MGAM: variants seen among roughly 807,000 people sequenced by gnomAD.
The protein encoded by MGAM is maltase-glucoamylase.
In MGAM, 253 loss-of-function variants were observed where a neutral mutation model predicts 358.8. The ratio of observed to expected loss-of-function variants is 0.71; its 90% CI spans 0.64 to 0.78. The LOEUF (loss-of-function observed/expected upper bound fraction) is 0.78. MGAM is among the 30% of genes least tolerant of loss of function. The pLI, the probability that MGAM is intolerant of heterozygous loss-of-function variation, is 0.00. For synonymous variants in MGAM, 1,105 were observed against 1,227.1 expected (o/e 0.90, Z 2.08); for missense variants, 3,080 against 3,432.6 (o/e 0.90, Z 2.57).
chr7:142,067,983 TATA>T (rs1563191444), intron 42 of MGAM, among the ~76,000 whole-genome samples: 1 of 5,362 alleles, frequency 1.9e-4, no homozygotes, highest in African/African-American at 2.9e-4. Context: ...TATATATATA[TATA>T]TTTTTTTTTT....
chr7:141,998,759 C>T (rs980675842), intron 1 of MGAM, among the ~76,000 whole-genome samples: 10 of 152,106 alleles, frequency 6.6e-5, no homozygotes, highest in South Asian at 2.1e-4. Flanking sequence ...TATAATCCTT[C>T]GGGTACATAC....
rs577846796 is a variant in MGAM at position 142,089,284 on chromosome 7, G to T, written c.6810+2567G>T. 3.5e-4 allele frequency among the ~76,000 whole-genome samples: 51 copies of T among 146,378 alleles called. 4 individuals carry two copies. The East Asian group carries it at 9.7e-3, about 28-fold the overall frequency. On this transcript the variant is annotated intron_variant, in intron 57 of 70. Coordinates refer to ENST00000475668, the MANE Select transcript of MGAM (RefSeq NM_001365693.1). ...CTGAGGGCAGTGTTGGTTATCACAG[G>T]GACACCAGAGGCATTCAGTGGGCAG... is the stretch of plus-strand genomic sequence containing the variant.
intron 46 of MGAM, 120 bp from the exon 47 acceptor site, chr7:142,076,539 A>AGCAGAGAGGCATTCATG: frequency 1.0e-6 from 1 of 987,690 alleles, no homozygotes; most frequent in Non-Finnish European, 1.6e-6. Flanking sequence ...TAGTAGAGAA[A>AGCAGAGAGGCATTCATG]GCAGAGAGGC....
At chr7:142,040,904 T>A (rs771202066) in intron 21 of MGAM, 58 bp downstream of exon 21, 38 of 1,534,314 alleles carry the variant, frequency 2.5e-5, no homozygotes, top group Non-Finnish European at 3.3e-5. Context: ...ACCCTTTGAA[T>A]TTCTTTTCGA....
chr7:142,008,995 A>G (rs1360455275), intron 3 of MGAM, among the ~76,000 whole-genome samples: 4 of 152,150 alleles, frequency 2.6e-5, no homozygotes, highest in African/African-American at 9.7e-5. Context: ...TTTTAGTATA[A>G]GTGTGTCCCG....
chr7:142,093,654 A>T lies in MGAM; in HGVS notation c.7172+104A>T. 3 of 1,221,154 alleles carry T rather than the reference A, an allele frequency of 2.5e-6. 1 individual carries two copies. Among genetic ancestry groups the T allele is most frequent in the Non-Finnish European group, 3.4e-6 (3 of 881,110 alleles). 75.6% of individuals were successfully genotyped at this position (1,221,154 alleles called of 1,614,324 possible). On this transcript the variant is annotated intron_variant, in intron 60 of 70. Transcript: ENST00000475668. Reference sequence around the variant, plus strand: ...TTTCATTCCCATTCTAAGGGTTAAGAAGATTCTCATGACAACTGTGTAATG... The same window carrying T: ...TTTCATTCCCATTCTAAGGGTTAAGTAGATTCTCATGACAACTGTGTAATG...
At chr7:142,063,122 T>A (rs1299177818) in intron 35 of MGAM, among the ~76,000 whole-genome samples, 1 of 151,948 alleles carries the variant, frequency 6.6e-6, no homozygotes, top group Non-Finnish European at 1.5e-5. Context: ...CGCTTGAACA[T>A]AGGAGGCAGA....
At chr7:142,037,485 C>A (rs1808098305) in intron 18 of MGAM, among the ~76,000 whole-genome samples, 2 of 152,078 alleles carry the variant, frequency 1.3e-5, no homozygotes, top group Non-Finnish European at 2.9e-5. Flanking sequence ...TAATTTAATT[C>A]TAAAACAAGG....
chr7:142,065,727 A>G lies in MGAM; in HGVS notation c.4666A>G (p.Ile1556Val), dbSNP rs781714763. The G allele has an allele frequency of 3.2e-6, 5 of 1,572,142 alleles. 1 individual carries two copies. The highest frequency in any genetic ancestry group is 3.4e-5 in the Admixed American group (2 of 58,938). Residue 1556 changes from isoleucine (I) to valine (V), a missense_variant, in exon 40 of 71, where the codon ATC becomes GTC. By Grantham distance (29) the Ile-to-Val change is conservative (BLOSUM62 3). Coordinates refer to ENST00000475668, the MANE Select transcript of MGAM (RefSeq NM_001365693.1). ...LFGISYTGAD[I>V]CGFFQDAEYE... ...CCTCTTGTTTCAGACGGGAGCAGAT[A>G]TCTGTGGGTTCTTTCAAGACGCTGA...
Position 142,095,667 on chromosome 7 carries a change from A to G in MGAM, c.7561A>G (p.Lys2521Glu). The change falls in exon 64 of 71, where the codon AAG becomes GAG. Residue 2521 changes from lysine to glutamate, a missense_variant. Coordinates refer to ENST00000475668, the MANE Select transcript of MGAM (RefSeq NM_001365693.1). Reference protein sequence around the residue: ...LLPYLYTLMHKAHTEGVTVVR... With the variant: ...LLPYLYTLMHEAHTEGVTVVR... ...GCCATATCTGTATACCTTGATGCAT[A>G]AGGCCCACACGGAGGGCGTCACTGT... The G allele has an allele frequency of 6.2e-7, 1 of 1,613,962 alleles. No homozygotes were observed. Among genetic ancestry groups the G allele is most frequent in the South Asian group, 1.1e-5 (1 of 91,076 alleles).
chr7:142,044,393 A>G (rs374595087), intron 21 of MGAM, among the ~76,000 whole-genome samples: 4,047 of 102,176 alleles, frequency 0.04, 579 homozygotes, highest in Middle Eastern at 0.14. Flanking sequence ...ATATACACAT[A>G]CGATATATGA....
chr7:142,011,935 A>C (rs1428123243), intron 3 of MGAM, among the ~76,000 whole-genome samples: 1 of 152,162 alleles, frequency 6.6e-6, no homozygotes, highest in African/African-American at 2.4e-5. Context: ...CTGACTCAAG[A>C]TGCACATATT....
intron 21 of MGAM, among the ~76,000 whole-genome samples, chr7:142,045,464 T>TTA (rs1245472359): frequency 9.0e-6 from 1 of 111,606 alleles, no homozygotes; most frequent in African/African-American, 3.8e-5. Context: ...ACATGATATA[T>TTA]TATATATATT....
chr7:142,000,690 G>C (rs750424704), intron 1 of MGAM, among the ~76,000 whole-genome samples: 1 of 151,994 alleles, frequency 6.6e-6, no homozygotes, highest in Non-Finnish European at 1.5e-5. Flanking sequence ...TTGCTATTAC[G>C]TGTAATACTG....
chr7:142,094,879 C>T lies in MGAM; in HGVS notation c.7458+16C>T. ...TGGGACCAGGGTAGGACAGTGGCCCCTACCTCCAGTGTTTCACTTGAAACA... is the reference window on the plus strand; with the variant it reads ...TGGGACCAGGGTAGGACAGTGGCCCTTACCTCCAGTGTTTCACTTGAAACA... On this transcript the variant is annotated intron_variant, in intron 63 of 70. Coordinates refer to ENST00000475668, the MANE Select transcript of MGAM (RefSeq NM_001365693.1). 3 of 1,611,252 alleles carry T rather than the reference C, an allele frequency of 1.9e-6. No individual in the cohort carries two copies. Among genetic ancestry groups the T allele is most frequent in the Non-Finnish European group, 2.5e-6 (3 of 1,177,726 alleles).
chr7:142,013,980 A>G (rs1805788095), intron 3 of MGAM, among the ~76,000 whole-genome samples: 1 of 152,160 alleles, frequency 6.6e-6, no homozygotes, highest in Admixed American at 6.6e-5. Flanking sequence ...TTATTTTTGT[A>G]ATTTGCCAGG....
chr7:142,028,951 A>G (rs1014759518), intron 10 of MGAM, among the ~76,000 whole-genome samples: 2 of 152,174 alleles, frequency 1.3e-5, no homozygotes, highest in African/African-American at 4.8e-5. Context: ...GCCAAAGGAC[A>G]ATTAACACAG....
At chr7:142,075,368 G>T (rs12334002) in intron 45 of MGAM, among the ~76,000 whole-genome samples, 1 of 144,564 alleles carries the variant, frequency 6.9e-6, no homozygotes, top group Admixed American at 7.0e-5. Flanking sequence ...CCTCCTTGAC[G>T]TAGTCTTGGC....
At position 142,036,112 on chromosome 7, in the gene MGAM, C is replaced by T. The variant is rs10279559; in HGVS notation, c.1960-57C>T. On this transcript the variant is annotated intron_variant, in intron 16 of 70. Transcript: ENST00000475668. ...CAGTTGGGAGGTCCCTGGTGGAAAGCAAAGGAGGGTGGTTAGAAGGAAGTG... is the reference window on the plus strand; with the variant it reads ...CAGTTGGGAGGTCCCTGGTGGAAAGTAAAGGAGGGTGGTTAGAAGGAAGTG... The T allele has an allele frequency of 0.016, 20,035 of 1,287,528 alleles. 2,141 individuals are homozygous for T. In the African/African-American group the frequency reaches 0.24, roughly 16 times the overall value. The allele number at this position is 1,287,528 out of a possible 1,614,324, so 79.8% of individuals were successfully genotyped here. A position where few individuals can be genotyped will look rare whatever the true frequency, so the allele number is the denominator to read the frequency against.
Sources: allele counts gnomAD v4.1 joint callset (sites outside exome capture counted in the v4.1 genomes callset), GRCh38; gene constraint gnomAD v4.1.1; transcripts MANE v1.5; gene names NCBI Gene and HGNC (gene_info 2026-07-23, HGNC 2026-07-21).